CDIN1: variants seen among roughly 807,000 people sequenced by gnomAD.
CDIN1 encodes the protein CDAN1 interacting nuclease 1, also known as CDAN1-interacting nuclease 1.
Under a neutral mutation model 45.3 loss-of-function variants are expected in CDIN1, and 33 were observed. The observed-to-expected ratio is 0.73, with a 90% confidence interval of 0.55 to 0.97. The LOEUF is 0.97. Among genes scored for constraint, CDIN1 ranks in the 50% least tolerant of loss-of-function variants. CDIN1 has a pLI of 0.00. For synonymous variants in CDIN1, 118 were observed against 124.4 expected, an observed-to-expected ratio of 0.95 and a Z score of 0.34; for missense variants, 303 against 339.4, an observed-to-expected ratio of 0.89 and a Z score of 0.84.
intron 1 of CDIN1, among the ~76,000 whole-genome samples, chr15:36,586,078 A>G (rs556359226): frequency 6.6e-6 from 1 of 152,200 alleles, no homozygotes; most frequent in South Asian, 2.1e-4. Context: ...TCTGACCAAC[A>G]TCTAGCAGGA....
At chr15:36,655,991 T>C (rs1760744102) in intron 4 of CDIN1, among the ~76,000 whole-genome samples, 1 of 152,186 alleles carries the variant, frequency 6.6e-6, no homozygotes, top group South Asian at 2.1e-4. Flanking sequence ...TTATTTACCA[T>C]GAATATATAG....
chr15:36,794,384 A>G (rs1235406318), intron 10 of CDIN1, among the ~76,000 whole-genome samples: 1 of 152,134 alleles, frequency 6.6e-6, no homozygotes, highest in Non-Finnish European at 1.5e-5. Flanking sequence ...GCATGTTTAC[A>G]TTTTTGTGCA....
rs8031825 is a variant in CDIN1, at chr15:36,746,673, A to G, written c.716+36712A>G. On this transcript the variant is annotated intron_variant, in intron 10 of 10. Transcript: ENST00000566621. ...ATCATATATAAATATATGGTTCCACACACACACACACACACACACACACAC... is the reference window on the plus strand; with the variant it reads ...ATCATATATAAATATATGGTTCCACGCACACACACACACACACACACACAC... Among the ~76,000 whole-genome samples the G allele has an allele frequency of 2.7e-3, 390 of 142,594 alleles. 7 individuals carry two copies. Among genetic ancestry groups the G allele is most frequent in the African/African-American group, 0.011 (379 of 34,824 alleles). The allele number at this position is 142,594 out of a possible 152,430, so 93.5% of individuals were successfully genotyped here.
chr15:36,731,295 G>A lies in CDIN1; in HGVS notation c.716+21334G>A, dbSNP rs7174289. ...ATACTTTTAAAAACTTGACCACTTC[G>A]AATTGTCAAAATAGGTACTTAATTG... is the stretch of plus-strand genomic sequence containing the variant. On this transcript the variant is annotated intron_variant, in intron 10 of 10. Coordinates refer to ENST00000566621, the MANE Select transcript of CDIN1 (RefSeq NM_001321759.2). Among the ~76,000 whole-genome samples, 1,210 of 152,104 alleles carry A rather than the reference G, an allele frequency of 8.0e-3. 15 individuals are homozygous for A. The highest frequency in any genetic ancestry group is 0.028 in the African/African-American group (1,160 of 41,536).
Position 36,644,298 on chromosome 15 carries a change from T to G in CDIN1, c.122T>G (p.Leu41Arg), listed in dbSNP as rs1202922964. The G allele has an allele frequency of 1.2e-6, 2 of 1,613,846 alleles. No individual in the cohort carries two copies. Among genetic ancestry groups the G allele is most frequent in the East Asian group, 4.5e-5 (2 of 44,884 alleles). The change falls in exon 2 of 11, where the codon CTG becomes CGG. Residue 41 changes from leucine (L) to arginine (R), a missense_variant. Transcript: ENST00000566621. Reference protein sequence around the residue: ...RFPSQSQATLLSIFSQEYQKH... With the variant: ...RFPSQSQATLRSIFSQEYQKH... Reference sequence around the variant, plus strand: ...TCCAGTCAATCGCAGGCCACTCTGCTGAGCATCTTCTCCCAGGAGTACCAG... The same window carrying G: ...TCCAGTCAATCGCAGGCCACTCTGCGGAGCATCTTCTCCCAGGAGTACCAG...
At chr15:36,760,255 A>G (rs2053722494) in intron 10 of CDIN1, among the ~76,000 whole-genome samples, 1 of 152,214 alleles carries the variant, frequency 6.6e-6, no homozygotes, top group Admixed American at 6.5e-5. Flanking sequence ...CATGGAAAGT[A>G]CAATAGCCTC....
At chr15:36,775,520 A>G (rs1215715227) in intron 10 of CDIN1, among the ~76,000 whole-genome samples, 1 of 152,198 alleles carries the variant, frequency 6.6e-6, no homozygotes, top group East Asian at 1.9e-4. Context: ...TGCCTATGAC[A>G]GGCCCTGATT....
chr15:36,790,928 A>G (rs1042677458), intron 10 of CDIN1, among the ~76,000 whole-genome samples: 17 of 152,176 alleles, frequency 1.1e-4, no homozygotes, highest in Admixed American at 9.8e-4. Flanking sequence ...AGCTTGTTGT[A>G]CAGATTACTT....
chr15:36,700,081 G>C (rs2042578661), intron 8 of CDIN1, among the ~76,000 whole-genome samples: 1 of 151,988 alleles, frequency 6.6e-6, no homozygotes, highest in African/African-American at 2.4e-5. Context: ...GCTTTCATGG[G>C]GTTATGGTCC....
At chr15:36,581,784 G>A (rs2037058899) in intron 1 of CDIN1, among the ~76,000 whole-genome samples, 1 of 152,208 alleles carries the variant, frequency 6.6e-6, no homozygotes, top group African/African-American at 2.4e-5. Flanking sequence ...CTACTCCTGA[G>A]GCTGAGGTGG....
At chr15:36,786,174 A>C (rs2054485705) in intron 10 of CDIN1, among the ~76,000 whole-genome samples, 1 of 152,244 alleles carries the variant, frequency 6.6e-6, no homozygotes, top group South Asian at 2.1e-4. Context: ...ACTTCACTTT[A>C]ATTAGAGTTC....
intron 1 of CDIN1, among the ~76,000 whole-genome samples, chr15:36,588,538 G>T (rs1260943196): frequency 6.6e-6 from 1 of 152,136 alleles, no homozygotes; most frequent in Non-Finnish European, 1.5e-5. Context: ...TAATTTACAT[G>T]ATCTTTAAAA....
At chr15:36,633,210 G>C (rs1443556680) in intron 1 of CDIN1, among the ~76,000 whole-genome samples, 1 of 152,078 alleles carries the variant, frequency 6.6e-6, no homozygotes, top group African/African-American at 2.4e-5. Flanking sequence ...ATTTGCTTCA[G>C]GTGCTTTTTA....
intron 5 of CDIN1, among the ~76,000 whole-genome samples, chr15:36,679,159 A>C (rs1337652168): frequency 6.6e-6 from 1 of 152,192 alleles, no homozygotes; most frequent in African/African-American, 2.4e-5. Context: ...GAGTGCCACA[A>C]AAGAGTGTGT....
At chr15:36,766,079 C>T (rs145751927) in intron 10 of CDIN1, among the ~76,000 whole-genome samples, 163 of 152,300 alleles carry the variant, frequency 1.1e-3, no homozygotes, top group African/African-American at 3.1e-3. Context: ...CTCTTCCTCC[C>T]GGTCCCTGGC....
chr15:36,788,106 A>ATATTTTTT (rs1343541345), intron 10 of CDIN1, among the ~76,000 whole-genome samples: 1 of 50,552 alleles, frequency 2.0e-5, no homozygotes, highest in African/African-American at 7.7e-5. Flanking sequence ...ATATATATAT[A>ATATTTTTT]TTTTTTTTTT....
chr15:36,644,180 A>T, intron 1 of CDIN1, 98 bp from the exon 2 acceptor site: 2 of 1,125,228 alleles, frequency 1.8e-6, no homozygotes, highest in East Asian at 4.8e-5. Context: ...GTTCTGTTAG[A>T]TTACAGGGCA....
chr15:36,668,638 T>G (rs2140521919), intron 5 of CDIN1, among the ~76,000 whole-genome samples: 1 of 152,270 alleles, frequency 6.6e-6, no homozygotes, highest in South Asian at 2.1e-4. Flanking sequence ...GTAAATCGAC[T>G]GCATTGTTTA....
chr15:36,783,030 A>G (rs550660878), intron 10 of CDIN1, among the ~76,000 whole-genome samples: 1 of 152,186 alleles, frequency 6.6e-6, no homozygotes, highest in Non-Finnish European at 1.5e-5. Context: ...AGTCTCTTTT[A>G]TGCCATTCAT....
Sources: allele counts gnomAD v4.1 joint callset (sites outside exome capture counted in the v4.1 genomes callset), GRCh38; gene constraint gnomAD v4.1.1; transcripts MANE v1.5; gene names NCBI Gene and HGNC (gene_info 2026-07-23, HGNC 2026-07-21).